Variants in BRF2 observed in about 807,000 individuals in gnomAD.
The protein encoded by BRF2 is BRF2 general transcription factor IIIB subunit.
Under a neutral mutation model 26.6 loss-of-function variants are expected in BRF2, and 17 were observed. The observed-to-expected ratio is 0.64, with a 90% confidence interval of 0.44 to 0.96. The LOEUF (loss-of-function observed/expected upper bound fraction) is 0.96. Among genes scored for constraint, BRF2 ranks in the 40% least tolerant of loss-of-function variants. The pLI is 0.00. For synonymous variants in BRF2, 219 were observed against 226.6 expected (o/e 0.97, Z 0.30); for missense variants, 515 against 537.0 (o/e 0.96, Z 0.40).
rs1204379177 is a variant in BRF2, at chr8:37,844,182, C to G, written c.*308G>C. On this transcript the variant is annotated 3_prime_UTR_variant, in exon 4 of 4. Coordinates refer to ENST00000220659, the MANE Select transcript of BRF2 (RefSeq NM_018310.4). ...TGCAGGAGGAGCCGCAGCAGTGTGT[C>G]CAATTCAAACCAGCAGCAAAGAGCC... 1 of 358,094 alleles carries G rather than the reference C, an allele frequency of 2.8e-6. No homozygotes were observed. The highest frequency in any genetic ancestry group is 5.2e-6 in the Non-Finnish European group (1 of 192,720). 22.2% of individuals were successfully genotyped at this position (358,094 alleles called of 1,614,324 possible). A position where few individuals can be genotyped will look rare whatever the true frequency, so the allele number is the denominator to read the frequency against.
chr8:37,847,170 GGAGACCTA>G lies in BRF2; in HGVS notation c.215-3_219del, dbSNP rs1563359016. On this transcript the variant is annotated splice_acceptor_variant and splice_polypyrimidine_tract_variant and coding_sequence_variant and intron_variant, in exon 3 of 4. Coordinates refer to ENST00000220659, the MANE Select transcript of BRF2 (RefSeq NM_018310.4). LOFTEE classifies it high-confidence loss of function. Reference sequence around the variant, plus strand: ...ACTCGACAAAGGTCTCTCACTCGCCGGAGACCTAGGAAAAACCCACGGCAAGAGTTAGA... The same window carrying G: ...ACTCGACAAAGGTCTCTCACTCGCCGGGAAAAACCCACGGCAAGAGTTAGA... 2 of 1,613,158 alleles carry G rather than the reference GGAGACCTA, an allele frequency of 1.2e-6. No individual in the cohort carries two copies. The highest frequency in any genetic ancestry group is 1.7e-6 in the Non-Finnish European group (2 of 1,179,202).
At chr8:37,847,465 G>A (rs920203300) in intron 2 of BRF2, 4 of 522,658 alleles carry the variant, frequency 7.7e-6, no homozygotes, top group South Asian at 3.2e-5. Context: ...TCAAACATAC[G>A]TCTGATCAAA....
Position 37,846,860 on chromosome 8 carries a change from C to T in BRF2, c.530G>A (p.Cys177Tyr). Residue 177 changes from cysteine to tyrosine, a missense_variant, in exon 3 of 4, where the codon TGC becomes TAC. By Grantham distance (194) the Cys-to-Tyr change is radical. Transcript: ENST00000220659. ...LCLAELVKTY[C>Y]SSFKLFQASP... The stretch of plus-strand genomic sequence containing the variant: ...TCTCCCACCAGGGACGTACCTGCTG[C>T]AATAGGTCTTCACCAGTTCTGCCAA... The T allele has an allele frequency of 6.2e-7, 1 of 1,611,550 alleles. No individual in the cohort carries two copies. The highest frequency in any genetic ancestry group is 8.5e-7 in the Non-Finnish European group (1 of 1,177,878).
rs117121305 is a variant in BRF2, at chr8:37,849,826, T to C, written c.-43A>G. 9.8e-5 allele frequency: 153 copies of C among 1,558,382 alleles called. No homozygotes were observed. The East Asian group carries it at 3.0e-3, about 31-fold the overall frequency. On this transcript the variant is annotated 5_prime_UTR_variant, in exon 1 of 4. Coordinates refer to ENST00000220659, the MANE Select transcript of BRF2 (RefSeq NM_018310.4). ...AGCCGCGGAAGCCTTCAGAGACTCC[T>C]GGGTCTGCAACAGCAACCGTGAGGC...
In BRF2 at chr8:37,849,639, T is replaced by C. The variant is rs776815048; in HGVS notation, c.145A>G (p.Asn49Asp). ...VLTTTFSDEG[N>D]LREVTYSRST... ...CCAGGGCCACAAGTACCTCGGAGAT[T>C]GCCCTCGTCGCTGAAGGTAGTGGTA... Residue 49 changes from asparagine to aspartate, a missense_variant, in exon 1 of 4, where the codon AAT (asparagine) becomes GAT (aspartate). Physicochemically the swap from Asn to Asp is conservative, Grantham distance 23 (BLOSUM62 1). Transcript: ENST00000220659. 6.2e-7 allele frequency: 1 copy of C among 1,613,054 alleles called. No individual in the cohort carries two copies. Among genetic ancestry groups the C allele is most frequent in the Non-Finnish European group, 8.5e-7 (1 of 1,179,586 alleles).
rs1281871925 is a variant in BRF2, at chr8:37,845,225, A to G, written c.537-12T>C. On this transcript the variant is annotated splice_polypyrimidine_tract_variant and intron_variant, in intron 3 of 3. Coordinates refer to ENST00000220659, the MANE Select transcript of BRF2 (RefSeq NM_018310.4). The stretch of plus-strand genomic sequence containing the variant: ...GGAACAGTTTGAAGCTGAAATAACC[A>G]AAATGAGGGTTGGATCTTAATGATA... The G allele has an allele frequency of 6.3e-7, 1 of 1,599,820 alleles. No individual in the cohort carries two copies. The highest frequency in any genetic ancestry group is 2.2e-5 in the East Asian group (1 of 44,672).
intron 1 of BRF2, among the ~76,000 whole-genome samples, chr8:37,848,988 T>C (rs1237049300): frequency 6.6e-6 from 1 of 152,242 alleles, no homozygotes. Flanking sequence ...AGTGGTGCGA[T>C]CACAGCTCAC....
At position 37,849,830 on chromosome 8, in the gene BRF2, T is replaced by A; in HGVS notation, c.-47A>T. ...GCGGAAGCCTTCAGAGACTCCTGGG[T>A]CTGCAACAGCAACCGTGAGGCAGCA... On this transcript the variant is annotated 5_prime_UTR_variant, in exon 1 of 4. Transcript: ENST00000220659. The A allele has an allele frequency of 6.5e-7, 1 of 1,547,064 alleles. No homozygotes were observed. Among genetic ancestry groups the A allele is most frequent in the Non-Finnish European group, 8.7e-7 (1 of 1,148,856 alleles).
Position 37,846,974 on chromosome 8 carries a change from CAGATG to C in BRF2, c.411_415del (p.Ile138HisfsTer12). ...ATCCAAATCTGCATACAACAGCGTG[CAGATG>C]GCCCCCATTGTTAGGGGCCAGTTAT... On this transcript the variant is annotated frameshift_variant, in exon 3 of 4. Coordinates refer to ENST00000220659, the MANE Select transcript of BRF2 (RefSeq NM_018310.4). LOFTEE classifies it high-confidence loss of function. The C allele has an allele frequency of 6.2e-7, 1 of 1,614,216 alleles. No individual in the cohort carries two copies. The highest frequency in any genetic ancestry group is 1.1e-5 in the South Asian group (1 of 91,090).
intron 1 of BRF2, 72 bp from the exon 2 acceptor site, chr8:37,848,727 A>C: frequency 8.1e-7 from 1 of 1,240,852 alleles, no homozygotes; most frequent in Non-Finnish European, 1.2e-6. Flanking sequence ...CACCACACAA[A>C]ACCAGGACGC....
intron 3 of BRF2, 70 bp from the exon 4 acceptor site, chr8:37,845,283 GC>G: frequency 8.0e-7 from 1 of 1,253,422 alleles, no homozygotes; most frequent in Non-Finnish European, 1.1e-6. Flanking sequence ...AGGAAAGACA[GC>G]CCACTCAAGA....
At chr8:37,845,635 A>C in intron 3 of BRF2, 1 of 688,850 alleles carries the variant, frequency 1.5e-6, no homozygotes, top group Non-Finnish European at 2.6e-6. Flanking sequence ...AAAAGAACAT[A>C]GCTACTTCAA....
At position 37,847,010 on chromosome 8, in the gene BRF2, C is replaced by G. The variant is rs746089287; in HGVS notation, c.380G>C (p.Arg127Pro). 6.2e-7 allele frequency: 1 copy of G among 1,614,058 alleles called. No homozygotes were observed. Among genetic ancestry groups the G allele is most frequent in the African/African-American group, 1.3e-5 (1 of 74,922 alleles). The change falls in exon 3 of 4, where the codon CGA becomes CCA. Residue 127 changes from arginine (R) to proline (P), a missense_variant. Arg to Pro is a moderately radical substitution (Grantham distance 103, BLOSUM62 -2). Transcript: ENST00000220659. Reference sequence around the variant, plus strand: ...CATTGTTAGGGGCCAGTTATGCTGTCGGCAGGTGATTAAGACGCAGCACCC... The same window carrying G: ...CATTGTTAGGGGCCAGTTATGCTGTGGGCAGGTGATTAAGACGCAGCACCC... ...LVGCCVLITC[R>P]QHNWPLTMGA... is the part of the protein sequence containing the mutation.
chr8:37,844,918 C>CA lies in BRF2; in HGVS notation c.831dup (p.Glu278Ter). 6.2e-7 allele frequency: 1 copy of CA among 1,614,146 alleles called. No homozygotes were observed. Among genetic ancestry groups the CA allele is most frequent in the East Asian group, 2.2e-5 (1 of 44,882 alleles). On this transcript the variant is annotated frameshift_variant, in exon 4 of 4. Transcript: ENST00000220659. LOFTEE classifies it low-confidence loss of function (END_TRUNC). ...AGAACTCGTAACCAGGCCAGCTGCT[C>CA]AGCCATCCGCAGCAGCACAGCCAGC...
Position 37,845,066 on chromosome 8 carries a change from A to C in BRF2, c.684T>G (p.Ala228=). The part of the protein sequence containing the change: ...TGRHPLPVIT[A]ATFLAWQSLQ... ...GCGACTGCCAAGCCAGGAAAGTCGC[A>C]GCAGTGATGACGGGCAAGGGATGCC... is the stretch of plus-strand genomic sequence containing the variant. Residue 228 remains alanine (A), a synonymous_variant, in exon 4 of 4, where the codon GCT becomes GCG. Coordinates refer to ENST00000220659, the MANE Select transcript of BRF2 (RefSeq NM_018310.4). 1 of 1,613,918 alleles carries C rather than the reference A, an allele frequency of 6.2e-7. No homozygotes were observed. Among genetic ancestry groups the C allele is most frequent in the Non-Finnish European group, 8.5e-7 (1 of 1,180,030 alleles).
chr8:37,847,952 ATTATTATTATTT>A (rs1426762911), intron 2 of BRF2, among the ~76,000 whole-genome samples: 1 of 148,172 alleles, frequency 6.7e-6, no homozygotes, highest in Non-Finnish European at 1.5e-5. Context: ...TATTATTATT[ATTATTATTATTT>A]TTTGAGACAG....
At position 37,846,922 on chromosome 8, in the gene BRF2, T is replaced by C. The variant is rs1475342816; in HGVS notation, c.468A>G (p.Ile156Met). The change falls in exon 3 of 4, where the codon ATA (isoleucine) becomes ATG (methionine). Residue 156 changes from isoleucine to methionine, a missense_variant. By Grantham distance (10) the Ile-to-Met change is conservative. Coordinates refer to ENST00000220659, the MANE Select transcript of BRF2 (RefSeq NM_018310.4). ...LDVFSSTYMQIVKLLGLDVPS... is the reference protein window; with the variant it reads ...LDVFSSTYMQMVKLLGLDVPS... The stretch of plus-strand genomic sequence containing the variant: ...GCACATCCAGTCCCAGGAGCTTCAC[T>C]ATCTGCATGTAAGTGCTAGAAAACA... 1.2e-6 allele frequency: 2 copies of C among 1,614,156 alleles called. No individual in the cohort carries two copies. The highest frequency in any genetic ancestry group is 4.5e-5 in the East Asian group (2 of 44,886).
chr8:37,845,885 A>C, intron 3 of BRF2: 1 of 580,744 alleles, frequency 1.7e-6, no homozygotes, highest in Non-Finnish European at 3.0e-6. Flanking sequence ...GATCCTGCTG[A>C]GACAGAGCTG....
intron 3 of BRF2, 57 bp from the exon 4 acceptor site, chr8:37,845,270 GT>G: frequency 7.0e-7 from 1 of 1,427,536 alleles, no homozygotes; most frequent in Non-Finnish European, 9.7e-7. Flanking sequence ...CTCTCCCACA[GT>G]GAGGAAAGAC....
Sources: allele counts gnomAD v4.1 joint callset (sites outside exome capture counted in the v4.1 genomes callset), GRCh38; gene constraint gnomAD v4.1.1; transcripts MANE v1.5; gene names NCBI Gene and HGNC (gene_info 2026-07-23, HGNC 2026-07-21).